PAX8: variants seen among roughly 807,000 people sequenced by gnomAD.
The protein encoded by PAX8 is paired box protein Pax-8.
PAX8 carries 15 observed loss-of-function variants against 52.4 expected under a neutral mutation model. The ratio of observed to expected loss-of-function variants is 0.29; its 90% CI spans 0.19 to 0.44. The LOEUF is 0.44. Among genes scored for constraint, PAX8 ranks in the 20% least tolerant of loss-of-function variants. The pLI, the probability that PAX8 is intolerant of heterozygous loss-of-function variation, is 1.00. For synonymous variants in PAX8, 284 were observed against 249.7 expected, an observed-to-expected ratio of 1.14 and a Z score of -1.29; for missense variants, 554 against 602.5, an observed-to-expected ratio of 0.92 and a Z score of 0.84.
At chr2:113,226,001 A>G in intron 10 of PAX8, 1 of 985,548 alleles carries the variant, frequency 1.0e-6, no homozygotes, top group Non-Finnish European at 1.2e-6. Flanking sequence ...AGTATTCTGT[A>G]TTTTCAACGC....
rs148761465 is a variant in PAX8, at chr2:113,249,590, A to T, written c.26-2671T>A. Among the ~76,000 whole-genome samples, 1,151 of 152,104 alleles carry T rather than the reference A, an allele frequency of 7.6e-3. 21 individuals carry two copies. Among genetic ancestry groups the T allele is most frequent in the African/African-American group, 0.026 (1,090 of 41,500 alleles). ...GAATTGGGTATTGTGCCTTTTTTTT[A>T]AAAAAAGAAAACGACGCTGTAAGTT... is the stretch of plus-strand genomic sequence containing the variant. On this transcript the variant is annotated intron_variant, in intron 2 of 11. Coordinates refer to ENST00000429538, the MANE Select transcript of PAX8 (RefSeq NM_003466.4).
intron 2 of PAX8, among the ~76,000 whole-genome samples, chr2:113,255,994 TAA>T (rs33968693): frequency 7.4e-5 from 10 of 135,276 alleles, no homozygotes; most frequent in Admixed American, 1.5e-4. Context: ...GCTCAATCAG[TAA>T]AAAAAAAAAA....
intron 2 of PAX8, among the ~76,000 whole-genome samples, chr2:113,249,154 G>A (rs2104516020): frequency 6.6e-6 from 1 of 152,384 alleles, no homozygotes. Context: ...CCTAGTGACT[G>A]CTTCTCCACT....
intron 7 of PAX8, chr2:113,240,527 A>T (rs1289413212): frequency 6.6e-6 from 1 of 152,274 alleles, no homozygotes; most frequent in Non-Finnish European, 1.5e-5. Flanking sequence ...GGCAGGGTTA[A>T]GGGAAAAAGA....
chr2:113,266,173 C>A (rs1693040278), intron 2 of PAX8: 1 of 152,142 alleles, frequency 6.6e-6, no homozygotes, highest in Admixed American at 6.5e-5. Flanking sequence ...CATGGTGGAC[C>A]AAGAAGTCTG....
At chr2:113,249,855 A>G (rs1691621418) in intron 2 of PAX8, among the ~76,000 whole-genome samples, 1 of 151,836 alleles carries the variant, frequency 6.6e-6, no homozygotes, top group South Asian at 2.1e-4. Flanking sequence ...CCCTTCTTTG[A>G]CACTGCCTGT....
chr2:113,235,414 G>A lies in PAX8; in HGVS notation c.1067C>T (p.Thr356Met). Reference sequence around the variant, plus strand: ...CGTACCTGAGAGGAGGGCCTGGCCCGTGAACTGCCCGTACACGGAGGCAGC... The same window carrying A: ...CGTACCTGAGAGGAGGGCCTGGCCCATGAACTGCCCGTACACGGAGGCAGC... ...PHAASVYGQFTGQALLSGREM... is the reference protein window; with the variant it reads ...PHAASVYGQFMGQALLSGREM... Residue 356 changes from threonine to methionine, a missense_variant, in exon 9 of 12, where the codon ACG (threonine) becomes ATG (methionine). Physicochemically the swap from Thr to Met is moderately conservative, Grantham distance 81 (BLOSUM62 -1). This residue lies in a region of PAX8 where 445 missense variants were observed against 409.9 expected (regional missense o/e 1.09). Transcript: ENST00000429538. 2 of 1,593,256 alleles carry A rather than the reference G, an allele frequency of 1.3e-6. 1 individual carries two copies. Among genetic ancestry groups the A allele is most frequent in the South Asian group, 2.3e-5 (2 of 88,208 alleles).
intron 2 of PAX8, chr2:113,275,887 C>T (rs1271902503): frequency 3.9e-5 from 6 of 152,240 alleles, no homozygotes; most frequent in Admixed American, 2.6e-4. Context: ...CGTTAAGACT[C>T]TCTGCAAGGC....
rs889097981 is a variant in PAX8, at chr2:113,236,832, T to G, written c.778-111A>C. 15 of 1,253,886 alleles carry G rather than the reference T, an allele frequency of 1.2e-5. No homozygotes were observed. The African/African-American group carries it at 2.1e-4, about 18-fold the overall frequency. 77.7% of individuals were successfully genotyped at this position (1,253,886 alleles called of 1,614,324 possible). A position where few individuals can be genotyped will look rare whatever the true frequency, so the allele number is the denominator to read the frequency against. On this transcript the variant is annotated intron_variant, in intron 7 of 11. Transcript: ENST00000429538. The stretch of plus-strand genomic sequence containing the variant: ...GCAGCCCTCATCTCCCCAGGAGAGG[T>G]CCTCATCGCCCCCTTCTTCCTTTAC...
rs2104408482 is a variant in PAX8, at chr2:113,217,705, T to G, written c.*828A>C. ...AGGGGAAGCGGGTTTCCTGCGATTCTGCCTTGTTCTGCCCTGGGTGAAGCC... is the reference window on the plus strand; with the variant it reads ...AGGGGAAGCGGGTTTCCTGCGATTCGGCCTTGTTCTGCCCTGGGTGAAGCC... On this transcript the variant is annotated 3_prime_UTR_variant, in exon 12 of 12. Coordinates refer to ENST00000429538, the MANE Select transcript of PAX8 (RefSeq NM_003466.4). 1.3e-5 allele frequency: 3 copies of G among 232,376 alleles called. No individual in the cohort carries two copies. The East Asian group carries it at 1.8e-4, about 14-fold the overall frequency. The allele number at this position is 232,376 out of a possible 1,614,324, so 14.4% of individuals were successfully genotyped here.
At chr2:113,262,066 G>T (rs1409515075) in intron 2 of PAX8, among the ~76,000 whole-genome samples, 1 of 152,182 alleles carries the variant, frequency 6.6e-6, no homozygotes, top group African/African-American at 2.4e-5. Flanking sequence ...CCAACCTCAG[G>T]TGATCCACCT....
rs758028387 is a variant in PAX8 at position 113,218,563 on chromosome 2, G to T, written c.1323C>A (p.Pro441=). The change falls in exon 12 of 12, where the codon CCC becomes CCA. Residue 441 remains proline, a synonymous_variant. Coordinates refer to ENST00000429538, the MANE Select transcript of PAX8 (RefSeq NM_003466.4). The stretch of plus-strand genomic sequence containing the variant: ...GATGGTCAAAGGCCGTGGCAGTGGT[G>T]GGCGGTGCACTCGGCCTTGATGTGG... ...YSSTSRPSAP[P]TTATAFDHL The T allele has an allele frequency of 6.4e-7, 1 of 1,559,056 alleles. No homozygotes were observed. The highest frequency in any genetic ancestry group is 8.7e-7 in the Non-Finnish European group (1 of 1,151,168).
intron 4 of PAX8, 88 bp downstream of exon 4, chr2:113,244,339 A>G: frequency 9.7e-7 from 1 of 1,031,880 alleles, no homozygotes; most frequent in Non-Finnish European, 1.5e-6. Context: ...CCTCTGCTCC[A>G]CCCAAGCCAG....
chr2:113,218,652 A>G, intron 11 of PAX8, 43 bp from the exon 12 acceptor site: 1 of 1,335,740 alleles, frequency 7.5e-7, no homozygotes, highest in Non-Finnish European at 1.0e-6. Flanking sequence ...TGCTGGTCAG[A>G]AAGGAAAATT....
chr2:113,240,721 A>T (rs987086879), intron 7 of PAX8: 1 of 152,530 alleles, frequency 6.6e-6, no homozygotes, highest in African/African-American at 2.4e-5. Flanking sequence ...ATTATTCTGG[A>T]TTTCTCAACT....
intron 10 of PAX8, 195 bp downstream of exon 10, chr2:113,226,960 G>A (rs1689615236): frequency 2.0e-6 from 3 of 1,497,760 alleles, no homozygotes; most frequent in Non-Finnish European, 2.7e-6. Flanking sequence ...GCTGGGGCAA[G>A]TTAAATAGGG....
At chr2:113,252,899 A>C (rs991924480) in intron 2 of PAX8, among the ~76,000 whole-genome samples, 1 of 152,232 alleles carries the variant, frequency 6.6e-6, no homozygotes, top group Non-Finnish European at 1.5e-5. Context: ...TAAACAAAAA[A>C]AATTCTTCCC....
At chr2:113,269,762 T>G (rs1693339647) in intron 2 of PAX8, 1 of 152,146 alleles carries the variant, frequency 6.6e-6, no homozygotes, top group African/African-American at 2.4e-5. Flanking sequence ...TAAAAATAAA[T>G]ATATGATTCC....
intron 2 of PAX8, 53 bp from the exon 3 acceptor site, chr2:113,246,972 G>A (rs1459538991): frequency 6.5e-7 from 1 of 1,530,886 alleles, no homozygotes; most frequent in Non-Finnish European, 8.9e-7. Context: ...AGGAGTTTGG[G>A]TGGGGATTAG....
Sources: gnomAD v4.1 joint callset for allele counts (sites outside exome capture counted in the v4.1 genomes callset) on GRCh38, gnomAD v4.1.1 for gene constraint, gnomAD v4.1.1 regional missense constraint, MANE v1.5 for transcripts, NCBI Gene and HGNC (gene_info 2026-07-23, HGNC 2026-07-21) for gene names.